Variants in ARHGAP40 observed in about 807,000 individuals in gnomAD.
ARHGAP40 encodes rho GTPase-activating protein 40.
In ARHGAP40, 43 loss-of-function variants were observed where a neutral mutation model predicts 73.5. The ratio of observed to expected loss-of-function variants is 0.58; its 90% CI spans 0.46 to 0.75. The LOEUF (loss-of-function observed/expected upper bound fraction) is 0.75. Among genes scored for constraint, ARHGAP40 ranks in the 30% least tolerant of loss-of-function variants. ARHGAP40 has a pLI of 0.00. For synonymous variants in ARHGAP40, 300 were observed against 352.8 expected (o/e 0.85, Z 1.68); for missense variants, 734 against 861.8 (o/e 0.85, Z 1.86).
At chr20:38,643,654 G>A in intron 10 of ARHGAP40, 50 bp from the exon 11 acceptor site, 1 of 1,281,040 alleles carries the variant, frequency 7.8e-7, no homozygotes, top group Admixed American at 2.3e-5. Flanking sequence ...ATGGTGGGGA[G>A]GCGCCAGGGA....
intron 4 of ARHGAP40, 27 bp downstream of exon 4, chr20:38,629,029 C>A (rs1488872199): frequency 7.7e-7 from 1 of 1,294,824 alleles, no homozygotes; most frequent in East Asian, 5.6e-5. Context: ...CTCCAGGGCC[C>A]TGAGAATCCT....
In ARHGAP40 at chr20:38,638,730, T is replaced by C. The variant is rs1251939156; in HGVS notation, c.1042-31T>C. On this transcript the variant is annotated intron_variant, in intron 7 of 14. Transcript: ENST00000373345. The stretch of plus-strand genomic sequence containing the variant: ...TTGAATCCTGCTTTTCAGCGGTTCC[T>C]GGTTTAAATGCTGGTTTCTCTTTCT... 3 of 1,298,418 alleles carry C rather than the reference T, an allele frequency of 2.3e-6. No homozygotes were observed. In the African/African-American group the frequency reaches 4.6e-5, roughly 20 times the overall value. The allele number at this position is 1,298,418 out of a possible 1,614,324, so 80.4% of individuals were successfully genotyped here.
chr20:38,641,837 C>T, intron 10 of ARHGAP40, 29 bp downstream of exon 10: 3 of 1,252,954 alleles, frequency 2.4e-6, no homozygotes, highest in Non-Finnish European at 3.1e-6. Context: ...CACCACCACT[C>T]TGCCATCTCA....
intron 2 of ARHGAP40, among the ~76,000 whole-genome samples, chr20:38,625,607 T>C (rs2088894829): frequency 1.3e-5 from 2 of 152,112 alleles, no homozygotes; most frequent in East Asian, 1.9e-4. Context: ...TTAGTAGAGA[T>C]GGGGTTTCGC....
At chr20:38,625,214 T>A (rs1484055683) in intron 2 of ARHGAP40, among the ~76,000 whole-genome samples, 5 of 152,194 alleles carry the variant, frequency 3.3e-5, no homozygotes, top group African/African-American at 1.2e-4. Context: ...GCATAGGAGG[T>A]CCTCCATGTG....
At chr20:38,627,206 C>T in exon 3 of ARHGAP40, 1 of 1,305,314 alleles carries the variant, frequency 7.7e-7, no homozygotes, top group South Asian at 1.2e-5. Context: ...TTGGGGTCTT[C>T]AATTCAGGGG....
At chr20:38,643,153 A>AAC (rs1414497423) in intron 10 of ARHGAP40, among the ~76,000 whole-genome samples, 2 of 152,016 alleles carry the variant, frequency 1.3e-5, no homozygotes, top group African/African-American at 4.8e-5. Flanking sequence ...CTCAAAAAAA[A>AAC]AAAAACAAAA....
intron 1 of ARHGAP40, among the ~76,000 whole-genome samples, chr20:38,606,142 T>G (rs1007239115): frequency 2.6e-5 from 4 of 152,202 alleles, no homozygotes; most frequent in Non-Finnish European, 5.9e-5. Flanking sequence ...ACTACAGGCA[T>G]GTGCCACCAC....
Position 38,647,020 on chromosome 20 carries a change from A to AC in ARHGAP40, c.1779dup (p.Ser594GlnfsTer26), listed in dbSNP as rs1304737971. On this transcript the variant is annotated frameshift_variant, in exon 13 of 15. Coordinates refer to ENST00000373345, the Ensembl canonical transcript of ARHGAP40. LOFTEE classifies it high-confidence loss of function. ...CAAGGACCCCTTGAAGGTGCCTCTC[A>AC]CCCCCAGCACCAAAGTGGCCCACGT... The AC allele has an allele frequency of 1.5e-6, 2 of 1,305,168 alleles. No homozygotes were observed. The highest frequency in any genetic ancestry group is 2.0e-6 in the Non-Finnish European group (2 of 988,984). The allele number at this position is 1,305,168 out of a possible 1,614,324, so 80.8% of individuals were successfully genotyped here. A position where few individuals can be genotyped will look rare whatever the true frequency, so the allele number is the denominator to read the frequency against.
At chr20:38,614,861 T>A in intron 1 of ARHGAP40, 1 of 1,056,338 alleles carries the variant, frequency 9.5e-7, no homozygotes, top group Non-Finnish European at 1.5e-6. Context: ...GAGTACCTCA[T>A]CACGTCCTGA....
At chr20:38,649,227 T>C (rs2089072550) in intron 14 of ARHGAP40, among the ~76,000 whole-genome samples, 1 of 152,188 alleles carries the variant, frequency 6.6e-6, no homozygotes, top group Non-Finnish European at 1.5e-5. Context: ...CCTAAGAATG[T>C]GTGTTTCTGA....
intron 1 of ARHGAP40, among the ~76,000 whole-genome samples, chr20:38,609,792 C>T (rs932309198): frequency 6.6e-6 from 1 of 152,224 alleles, no homozygotes; most frequent in African/African-American, 2.4e-5. Flanking sequence ...ACACGTAGCT[C>T]ACACTGGCTG....
chr20:38,645,198 C>T (rs1344034197), intron 11 of ARHGAP40, among the ~76,000 whole-genome samples: 1 of 151,128 alleles, frequency 6.6e-6, no homozygotes, highest in Non-Finnish European at 1.5e-5. Context: ...GCTCATTCTT[C>T]AAGACCTCCT....
chr20:38,630,058 TTTTTTCTTTCTTTCTTTCTTTC>T lies in ARHGAP40; in HGVS notation c.783+430_783+451del, dbSNP rs1474485055. Among the ~76,000 whole-genome samples, 97 of 141,022 alleles carry T rather than the reference TTTTTTCTTTCTTTCTTTCTTTC, an allele frequency of 6.9e-4. 1 individual carries two copies. Among genetic ancestry groups the T allele is most frequent in the Admixed American group, 5.8e-4 (8 of 13,854 alleles). The allele number at this position is 141,022 out of a possible 152,430, so 92.5% of individuals were successfully genotyped here. On this transcript the variant is annotated intron_variant, in intron 5 of 14. Transcript: ENST00000373345. The stretch of plus-strand genomic sequence containing the variant: ...CTCCCTTCCCTCCTCCTCCTCCTTC[TTTTTTCTTTCTTTCTTTCTTTC>T]TTTTTCTTTCTTTCTTTCTTTGTTT...
At chr20:38,619,380 A>G (rs971088694) in intron 1 of ARHGAP40, among the ~76,000 whole-genome samples, 11 of 152,028 alleles carry the variant, frequency 7.2e-5, no homozygotes, top group African/African-American at 2.7e-4. Context: ...GCGAGAAGTG[A>G]TGGTGGCTTG....
intron 5 of ARHGAP40, 60 bp downstream of exon 5, chr20:38,629,710 C>A: frequency 7.8e-7 from 1 of 1,282,616 alleles, no homozygotes; most frequent in Non-Finnish European, 1.0e-6. Context: ...GCACCAGCAC[C>A]CATCTCTTCA....
chr20:38,623,325 G>A (rs1380047113), intron 1 of ARHGAP40, 34 bp from the exon 2 acceptor site: 9 of 1,252,808 alleles, frequency 7.2e-6, no homozygotes, highest in Non-Finnish European at 8.3e-6. Context: ...GCAGAGACTT[G>A]CTGACCTCCC....
chr20:38,627,382 GTGTT>G (rs1357985076), intron 3 of ARHGAP40, among the ~76,000 whole-genome samples, 167 bp downstream of exon 3: 1 of 146,148 alleles, frequency 6.8e-6, no homozygotes, highest in African/African-American at 2.7e-5. Flanking sequence ...GTTGGTGTGT[GTGTT>G]GGGGTGTGTG....
intron 14 of ARHGAP40, 81 bp downstream of exon 14, chr20:38,648,779 G>A: frequency 1.7e-6 from 2 of 1,181,516 alleles, no homozygotes; most frequent in Non-Finnish European, 2.3e-6. Context: ...GGGCCCTTCT[G>A]TGGGAGGCCA....
Sources: gnomAD v4.1 joint callset for allele counts (sites outside exome capture counted in the v4.1 genomes callset) on GRCh38, gnomAD v4.1.1 for gene constraint, MANE v1.5 for transcripts, NCBI Gene and HGNC (gene_info 2026-07-23, HGNC 2026-07-21) for gene names.